Variants in ZMYM4 observed in about 807,000 individuals in gnomAD.
ZMYM4 encodes zinc finger MYM-type protein 4.
A neutral mutation model predicts 183.2 loss-of-function variants in ZMYM4; 31 were observed. That is an observed-to-expected ratio of 0.17 (90% CI 0.13 to 0.23). The LOEUF is 0.23. ZMYM4 is among the 10% of genes least tolerant of loss of function. ZMYM4 has a pLI of 1.00. For synonymous variants in ZMYM4, 592 were observed against 631.2 expected, an observed-to-expected ratio of 0.94 and a Z score of 0.93; for missense variants, 1,273 against 1,840.3, an observed-to-expected ratio of 0.69 and a Z score of 5.64.
At chr1:35,296,249 A>C (rs1024583599) in intron 1 of ZMYM4, among the ~76,000 whole-genome samples, 1 of 152,208 alleles carries the variant, frequency 6.6e-6, no homozygotes, top group African/African-American at 2.4e-5. Context: ...AGTCCACTTC[A>C]GGATTCCCTC....
At chr1:35,291,056 G>A (rs1393092782) in intron 1 of ZMYM4, among the ~76,000 whole-genome samples, 2 of 151,964 alleles carry the variant, frequency 1.3e-5, no homozygotes, top group African/African-American at 4.8e-5. Flanking sequence ...TGCATATAGT[G>A]GTAAAATTAG....
At position 35,281,661 on chromosome 1, in the gene ZMYM4, A is replaced by AATAT. The variant is rs56216613; in HGVS notation, c.39+12592_39+12595dup. 1.7e-3 allele frequency among the ~76,000 whole-genome samples: 250 copies of AATAT among 148,034 alleles called. 1 individual carries two copies. The highest frequency in any genetic ancestry group is 5.2e-3 in the African/African-American group (212 of 40,588). ...TTCTCAAAAAGCAAATCATATAATA[A>AATAT]ATATATATATATATATATAATATAA... On this transcript the variant is annotated intron_variant, in intron 1 of 29. Coordinates refer to ENST00000314607, the MANE Select transcript of ZMYM4 (RefSeq NM_005095.3).
intron 1 of ZMYM4, among the ~76,000 whole-genome samples, chr1:35,278,444 T>TA (rs397826083): frequency 1.4e-5 from 2 of 144,520 alleles, no homozygotes; most frequent in Non-Finnish European, 3.0e-5. Flanking sequence ...TTTTTTTTTT[T>TA]AGATGGAATT....
chr1:35,402,819 T>C (rs560002088), intron 23 of ZMYM4, among the ~76,000 whole-genome samples: 1 of 135,026 alleles, frequency 7.4e-6, no homozygotes, highest in South Asian at 2.2e-4. Context: ...TATCTGTGAA[T>C]AAAGACAGTT....
intron 18 of ZMYM4, among the ~76,000 whole-genome samples, chr1:35,395,223 C>A: frequency 6.8e-6 from 1 of 147,316 alleles, no homozygotes; most frequent in African/African-American, 2.5e-5. Context: ...TAATCAATAG[C>A]AGTTTATTTA....
intron 3 of ZMYM4, among the ~76,000 whole-genome samples, chr1:35,359,958 C>T (rs903128981): frequency 1.3e-4 from 19 of 151,644 alleles, no homozygotes; most frequent in African/African-American, 4.6e-4. Flanking sequence ...CTTGAGGTTC[C>T]TCCTGAGCCT....
At chr1:35,286,380 G>A (rs1032491009) in intron 1 of ZMYM4, among the ~76,000 whole-genome samples, 3 of 151,774 alleles carry the variant, frequency 2.0e-5, no homozygotes, top group African/African-American at 4.8e-5. Context: ...CTCCCCGTCC[G>A]CCAAAAAAAT....
chr1:35,398,369 G>A, intron 20 of ZMYM4, 44 bp from the exon 21 acceptor site: 1 of 1,533,720 alleles, frequency 6.5e-7, no homozygotes, highest in Admixed American at 1.8e-5. Flanking sequence ...GATATAATTT[G>A]TTGTCTAAAC....
Position 35,315,775 on chromosome 1 carries a change from T to G in ZMYM4, c.40-9585T>G, listed in dbSNP as rs374694374. On this transcript the variant is annotated intron_variant, in intron 1 of 29. Coordinates refer to ENST00000314607, the MANE Select transcript of ZMYM4 (RefSeq NM_005095.3). ...GTGAGACCCTGTCTCTACAAAAAAA[T>G]AAAGAAAAAAATTCACTGGATGTAC... Among the ~76,000 whole-genome samples, 666 of 151,610 alleles carry G rather than the reference T, an allele frequency of 4.4e-3. 3 individuals carry two copies. Among genetic ancestry groups the G allele is most frequent in the Non-Finnish European group, 4.8e-3 (327 of 67,908 alleles).
At chr1:35,352,386 G>GCGCGCACACACACACACACACACA (rs1231646476) in intron 2 of ZMYM4, among the ~76,000 whole-genome samples, 2 of 128,472 alleles carry the variant, frequency 1.6e-5, no homozygotes, top group East Asian at 4.6e-4. Flanking sequence ...AAAAATTAGC[G>GCGCGCACACACACACACACACACA]CACACACACA....
At chr1:35,359,493 C>T (rs753763272) in intron 3 of ZMYM4, 47 bp downstream of exon 3, 29 of 1,466,690 alleles carry the variant, frequency 2.0e-5, no homozygotes, top group East Asian at 1.2e-4. Context: ...TAAAAATTAC[C>T]GATCATAATA....
At chr1:35,276,053 C>G (rs1261213872) in intron 1 of ZMYM4, among the ~76,000 whole-genome samples, 1 of 152,048 alleles carries the variant, frequency 6.6e-6, no homozygotes, top group African/African-American at 2.4e-5. Flanking sequence ...TTGTTTTGGT[C>G]TATCCAGCGT....
chr1:35,415,790 G>T (rs925192691), intron 28 of ZMYM4, 76 bp downstream of exon 28: 1 of 1,535,508 alleles, frequency 6.5e-7, no homozygotes, highest in East Asian at 2.3e-5. Context: ...CTGCAGAAAG[G>T]TAATTATAAA....
chr1:35,399,177 G>T, intron 22 of ZMYM4, 134 bp downstream of exon 22: 1 of 951,484 alleles, frequency 1.1e-6, no homozygotes, highest in Non-Finnish European at 1.5e-6. Context: ...ATAATCTAGA[G>T]CACAAATAGA....
intron 13 of ZMYM4, 105 bp downstream of exon 13, chr1:35,387,709 T>A: frequency 8.0e-7 from 1 of 1,242,774 alleles, no homozygotes; most frequent in African/African-American, 1.5e-5. Flanking sequence ...TTATTGTTTA[T>A]GTATAACGTA....
intron 1 of ZMYM4, among the ~76,000 whole-genome samples, chr1:35,318,375 T>C (rs1394432394): frequency 2.0e-5 from 3 of 152,104 alleles, no homozygotes; most frequent in Non-Finnish European, 4.4e-5. Flanking sequence ...TGTTAAGGCA[T>C]GGAAAAGTTG....
chr1:35,301,289 G>C (rs1462585111), intron 1 of ZMYM4, among the ~76,000 whole-genome samples: 1 of 152,172 alleles, frequency 6.6e-6, no homozygotes, highest in Non-Finnish European at 1.5e-5. Context: ...GCTTACACCT[G>C]TAATCCCAGC....
At chr1:35,301,412 G>C (rs943196918) in intron 1 of ZMYM4, among the ~76,000 whole-genome samples, 3 of 152,094 alleles carry the variant, frequency 2.0e-5, no homozygotes, top group African/African-American at 7.2e-5. Context: ...CTGGCATGGT[G>C]GCAGGTGCCT....
intron 1 of ZMYM4, among the ~76,000 whole-genome samples, chr1:35,279,346 C>A (rs1455316614): frequency 6.6e-6 from 1 of 152,158 alleles, no homozygotes; most frequent in Non-Finnish European, 1.5e-5. Context: ...CCTTACATAT[C>A]AAGGGGGTCC....
Sources: allele counts gnomAD v4.1 joint callset (sites outside exome capture counted in the v4.1 genomes callset), GRCh38; gene constraint gnomAD v4.1.1; transcripts MANE v1.5; gene names NCBI Gene and HGNC (gene_info 2026-07-23, HGNC 2026-07-21).